Variants in KIF2C observed in about 807,000 individuals in gnomAD.
KIF2C encodes kinesin family member 2C.
A neutral mutation model predicts 97.4 loss-of-function variants in KIF2C; 34 were observed. The observed-to-expected ratio is 0.35, with a 90% confidence interval of 0.27 to 0.46. The LOEUF is 0.46. Ranked by LOEUF, KIF2C falls within the 20% of genes least tolerant of loss-of-function variation. The probability of loss-of-function intolerance (pLI) is 1.00; values close to 1 mark genes in which losing one functional copy is unlikely to be tolerated. For missense variants in KIF2C, 750 were observed against 907.6 expected, an observed-to-expected ratio of 0.83 and a Z score of 2.23; for synonymous variants, 313 against 318.2, an observed-to-expected ratio of 0.98 and a Z score of 0.17.
intron 1 of KIF2C, 109 bp from the exon 2 acceptor site, chr1:44,740,804 T>G: frequency 1.3e-5 from 5 of 371,004 alleles, no homozygotes; most frequent in African/African-American, 2.1e-5. Flanking sequence ...TTTTTTAAGG[T>G]AGCTGCCTGT....
intron 2 of KIF2C, among the ~76,000 whole-genome samples, chr1:44,747,022 G>C (rs1428470158): frequency 6.6e-6 from 1 of 151,560 alleles, no homozygotes; most frequent in Non-Finnish European, 1.5e-5. Context: ...CTCAGCCTCG[G>C]GGGGGCCAGG....
rs755709642 is a variant in KIF2C, at chr1:44,758,095, G to C, written c.1179G>C (p.Leu393Phe). Residue 393 changes from leucine to phenylalanine, a missense_variant, in exon 13 of 21, where the codon TTG becomes TTC. Leu to Phe is a conservative substitution (Grantham distance 22). Transcript: ENST00000372224. ...LLKNQPCYRK[L>F]GLEVYVTFFE... The stretch of plus-strand genomic sequence containing the variant: ...AGAATCAACCCTGCTACCGGAAGTT[G>C]GGCCTGGAAGTCTATGTGACATTCT... 6.2e-7 allele frequency: 1 copy of C among 1,614,124 alleles called. No individual in the cohort carries two copies. The highest frequency in any genetic ancestry group is 8.5e-7 in the Non-Finnish European group (1 of 1,180,014).
intron 4 of KIF2C, among the ~76,000 whole-genome samples, chr1:44,748,252 G>A (rs1649325377): frequency 6.6e-6 from 1 of 152,164 alleles, no homozygotes; most frequent in South Asian, 2.1e-4. Context: ...AAAAGATCCA[G>A]CTTAAAGCCA....
At chr1:44,746,927 T>G (rs1649230795) in intron 2 of KIF2C, among the ~76,000 whole-genome samples, 1 of 151,972 alleles carries the variant, frequency 6.6e-6, no homozygotes, top group Admixed American at 6.5e-5. Context: ...AGACAGAGTC[T>G]TGCTCTGTTG....
chr1:44,757,034 C>T (rs1385831818), intron 10 of KIF2C, among the ~76,000 whole-genome samples: 1 of 152,266 alleles, frequency 6.6e-6, no homozygotes, highest in East Asian at 1.9e-4. Context: ...TCTCCTGCCC[C>T]AGCCTCTCAA....
chr1:44,747,250 T>TTGAACCAAGA (rs1451121872), intron 2 of KIF2C, 134 bp from the exon 3 acceptor site: 4 of 702,324 alleles, frequency 5.7e-6, no homozygotes, highest in Non-Finnish European at 9.6e-6. Context: ...AGAGGTTGCA[T>TTGAACCAAGA]TGAACCAAGA....
rs766617330 is a variant in KIF2C, at chr1:44,760,345, T to G, written c.1433T>G (p.Leu478Arg). ...SRSHACFQII[L>R]RAKGRMHGKF... ...TCCCACGCGTGCTTCCAAATTATTCTTCGAGCTAAAGGGAGAATGCATGGC... is the reference window on the plus strand; with the variant it reads ...TCCCACGCGTGCTTCCAAATTATTCGTCGAGCTAAAGGGAGAATGCATGGC... Residue 478 changes from leucine to arginine, a missense_variant, in exon 15 of 21, where the codon CTT (leucine) becomes CGT (arginine). Transcript: ENST00000372224. The surrounding 1 kb of genome is among the most constrained non-coding windows in gnomAD (Gnocchi z 4.2). The G allele has an allele frequency of 6.2e-7, 1 of 1,614,214 alleles. No homozygotes were observed.
intron 18 of KIF2C, 26 bp from the exon 19 acceptor site, chr1:44,762,519 A>G (rs1469951806): frequency 6.2e-7 from 1 of 1,611,242 alleles, no homozygotes; most frequent in Non-Finnish European, 8.5e-7. Flanking sequence ...GGGTCACATA[A>G]TTGTCTTTCT....
chr1:44,750,079 C>CAA (rs67811341), intron 4 of KIF2C, among the ~76,000 whole-genome samples: 10 of 68,288 alleles, frequency 1.5e-4, no homozygotes, highest in Admixed American at 3.2e-4. Flanking sequence ...CGAAACTCCT[C>CAA]AAAAAAAAAA....
intron 2 of KIF2C, chr1:44,746,869 T>G: frequency 2.7e-6 from 3 of 1,097,656 alleles, no homozygotes; most frequent in Admixed American, 5.7e-5. Context: ...AGAAATTTAA[T>G]TTTTTCTATG....
chr1:44,754,779 A>G lies in KIF2C; in HGVS notation c.693A>G (p.Glu231=). 1 of 1,613,550 alleles carries G rather than the reference A, an allele frequency of 6.2e-7. No homozygotes were observed. Among genetic ancestry groups the G allele is most frequent in the South Asian group, 1.1e-5 (1 of 91,050 alleles). Residue 231 remains glutamate (E), a synonymous_variant, in exon 8 of 21, where the codon GAA becomes GAG. Transcript: ENST00000372224. ...QEYDSSFPNW[E]FARMIKEFRA... Reference sequence around the variant, plus strand: ...ATGACAGTAGTTTTCCAAACTGGGAATTTGCCCGAATGATTAAAGAATTTC... The same window carrying G: ...ATGACAGTAGTTTTCCAAACTGGGAGTTTGCCCGAATGATTAAAGAATTTC...
chr1:44,749,494 G>A (rs1649394897), intron 4 of KIF2C, among the ~76,000 whole-genome samples: 2 of 151,974 alleles, frequency 1.3e-5, no homozygotes, highest in East Asian at 3.8e-4. Flanking sequence ...GCTCACACCT[G>A]TAAGCCCAGT....
At chr1:44,746,652 G>A (rs1434704364) in intron 2 of KIF2C, 17 of 1,553,586 alleles carry the variant, frequency 1.1e-5, no homozygotes, top group African/African-American at 1.1e-4. Flanking sequence ...TAGATCTGCT[G>A]TGGAGTACCC....
intron 14 of KIF2C, 28 bp downstream of exon 14, chr1:44,759,376 G>T (rs188031346): frequency 6.2e-7 from 1 of 1,612,810 alleles, no homozygotes; most frequent in Non-Finnish European, 8.5e-7. Context: ...GGGAAGGAGC[G>T]ACCTTCTCAT....
chr1:44,756,301 C>A, intron 10 of KIF2C, 64 bp downstream of exon 10: 1 of 1,481,436 alleles, frequency 6.8e-7, no homozygotes. Flanking sequence ...TGTGGGACAT[C>A]GTGGTAACAC....
At chr1:44,753,965 T>TTTTTTTTTA (rs1176465072) in intron 7 of KIF2C, 132 bp downstream of exon 7, 1 of 385,724 alleles carries the variant, frequency 2.6e-6, no homozygotes, top group African/African-American at 2.5e-5. Context: ...ATTCTTTTTT[T>TTTTTTTTTA]TTTTTTTTTT....
chr1:44,755,157 C>G (rs990218388), intron 8 of KIF2C, among the ~76,000 whole-genome samples: 2 of 152,156 alleles, frequency 1.3e-5, no homozygotes, highest in African/African-American at 2.4e-5. Flanking sequence ...AGGGTTTCAC[C>G]ATGTTGCCCA....
In KIF2C at chr1:44,739,869, C is replaced by A; in HGVS notation, c.-64C>A. On this transcript the variant is annotated 5_prime_UTR_variant, in exon 1 of 21. Transcript: ENST00000372224. ...GGCGGTTTACGCGGCGTTAAGACTTCGTAGGGTTAGCGAAATTGAGGTTTC... is the reference window on the plus strand; with the variant it reads ...GGCGGTTTACGCGGCGTTAAGACTTAGTAGGGTTAGCGAAATTGAGGTTTC... 1.4e-6 allele frequency: 2 copies of A among 1,472,526 alleles called. No homozygotes were observed. The highest frequency in any genetic ancestry group is 1.1e-5 in the South Asian group (1 of 88,182). 91.2% of individuals were successfully genotyped at this position (1,472,526 alleles called of 1,614,324 possible). A position where few individuals can be genotyped will look rare whatever the true frequency, so the allele number is the denominator to read the frequency against.
intron 10 of KIF2C, among the ~76,000 whole-genome samples, chr1:44,757,064 C>T (rs1244849311): frequency 6.6e-6 from 1 of 151,996 alleles, no homozygotes; most frequent in Non-Finnish European, 1.5e-5. Context: ...ATTACGGGCA[C>T]GTGCCACCAC....
Sources: allele counts gnomAD v4.1 joint callset (sites outside exome capture counted in the v4.1 genomes callset), GRCh38; gene constraint gnomAD v4.1.1; non-coding constraint Gnocchi (gnomAD v3.1); transcripts MANE v1.5; gene names NCBI Gene and HGNC (gene_info 2026-07-23, HGNC 2026-07-21).